Variants in NCF4 observed in about 807,000 individuals in gnomAD.
NCF4 encodes the protein neutrophil cytosolic factor 4, also known as neutrophil cytosol factor 4.
In NCF4, 30 loss-of-function variants were observed where a neutral mutation model predicts 41.7. The ratio of observed to expected loss-of-function variants is 0.72; its 90% CI spans 0.54 to 0.97. NCF4 has a LOEUF of 0.97. NCF4 is among the 50% of genes least tolerant of loss of function. The pLI is 0.00. For missense variants in NCF4, 432 were observed against 460.9 expected, an observed-to-expected ratio of 0.94 and a Z score of 0.57; for synonymous variants, 195 against 175.8, an observed-to-expected ratio of 1.11 and a Z score of -0.87.
intron 1 of NCF4, among the ~76,000 whole-genome samples, chr22:36,862,785 A>G (rs940890818): frequency 6.6e-6 from 1 of 152,204 alleles, no homozygotes; most frequent in Non-Finnish European, 1.5e-5. Flanking sequence ...CCCCAAGGTG[A>G]GACATCCAAA....
At chr22:36,871,796 G>T in intron 6 of NCF4, 87 bp downstream of exon 6, 1 of 1,428,012 alleles carries the variant, frequency 7.0e-7, no homozygotes. Context: ...TCTCCTGCTG[G>T]GTGCTGCTGT....
Position 36,870,439 on chromosome 22 carries a change from G to C in NCF4, c.367G>C (p.Val123Leu). 3.1e-6 allele frequency: 5 copies of C among 1,613,996 alleles called. No homozygotes were observed. Among genetic ancestry groups the C allele is most frequent in the Non-Finnish European group, 4.2e-6 (5 of 1,180,036 alleles). ...MKSLLSLPVW[V>L]LMDEDVRIFF... ...GAGCCTGCTCAGCCTGCCGGTCTGGGTGCTGATGGATGAGGACGTCCGGAT... is the reference window on the plus strand; with the variant it reads ...GAGCCTGCTCAGCCTGCCGGTCTGGCTGCTGATGGATGAGGACGTCCGGAT... The change falls in exon 5 of 10, where the codon GTG (valine) becomes CTG (leucine). Residue 123 changes from valine to leucine, a missense_variant. Val to Leu is a conservative substitution (Grantham distance 32). Coordinates refer to ENST00000248899, the MANE Select transcript of NCF4 (RefSeq NM_000631.5).
At chr22:36,869,905 G>A (rs981630846) in intron 4 of NCF4, among the ~76,000 whole-genome samples, 2 of 152,028 alleles carry the variant, frequency 1.3e-5, no homozygotes, top group African/African-American at 4.8e-5. Flanking sequence ...GGTTATTTTG[G>A]GAGCCCCCCA....
Position 36,871,209 on chromosome 22 carries a change from G to C in NCF4, c.471-443G>C, listed in dbSNP as rs142853043. ...CTCCCCTGTGCACACAGGCAGGTGTGTCTTAATTCCAGCTGTGCCATGTGG... is the reference window on the plus strand; with the variant it reads ...CTCCCCTGTGCACACAGGCAGGTGTCTCTTAATTCCAGCTGTGCCATGTGG... On this transcript the variant is annotated intron_variant, in intron 5 of 9. Transcript: ENST00000248899. Among the ~76,000 whole-genome samples the C allele has an allele frequency of 4.0e-3, 612 of 152,360 alleles. 5 individuals are homozygous for C. Among genetic ancestry groups the C allele is most frequent in the African/African-American group, 0.014 (585 of 41,590 alleles).
intron 6 of NCF4, 42 bp downstream of exon 6, chr22:36,871,751 G>T (rs1472245470): frequency 6.5e-7 from 1 of 1,548,232 alleles, no homozygotes; most frequent in Non-Finnish European, 8.7e-7. Context: ...CACACTGTGG[G>T]CATCTGCCTT....
At chr22:36,873,155 GA>G (rs1227721918) in intron 7 of NCF4, among the ~76,000 whole-genome samples, 4 of 151,058 alleles carry the variant, frequency 2.6e-5, no homozygotes, top group African/African-American at 9.8e-5. Context: ...GGTGAAGATA[GA>G]AATGAGAATG....
intron 7 of NCF4, among the ~76,000 whole-genome samples, chr22:36,873,115 C>T (rs192248403): frequency 1.7e-4 from 13 of 78,488 alleles, no homozygotes; most frequent in Admixed American, 1.3e-3. Flanking sequence ...TGGAGGTGAG[C>T]GTGGAGGTGA....
At chr22:36,873,178 G>A (rs1178485925) in intron 7 of NCF4, among the ~76,000 whole-genome samples, 1 of 151,588 alleles carries the variant, frequency 6.6e-6, no homozygotes, top group African/African-American at 2.4e-5. Context: ...AAGTGGGATT[G>A]GAGGTGAGTT....
chr22:36,863,292 C>T (rs1939826735), intron 1 of NCF4, among the ~76,000 whole-genome samples: 1 of 152,036 alleles, frequency 6.6e-6, no homozygotes, highest in Non-Finnish European at 1.5e-5. Flanking sequence ...ACTGCATGAC[C>T]ACCCGGAGAC....
chr22:36,870,263 A>T, intron 4 of NCF4, 152 bp from the exon 5 acceptor site: 1 of 1,131,688 alleles, frequency 8.8e-7, no homozygotes, highest in South Asian at 1.3e-5. Flanking sequence ...GAGTTTTCTT[A>T]TTCTTTTAAA....
At chr22:36,869,908 G>C (rs1397524535) in intron 4 of NCF4, among the ~76,000 whole-genome samples, 1 of 151,994 alleles carries the variant, frequency 6.6e-6, no homozygotes, top group East Asian at 1.9e-4. Flanking sequence ...TATTTTGGGA[G>C]CCCCCCACCC....
intron 4 of NCF4, among the ~76,000 whole-genome samples, chr22:36,868,470 T>A (rs947967826): frequency 6.6e-6 from 1 of 152,120 alleles, no homozygotes; most frequent in African/African-American, 2.4e-5. Flanking sequence ...TCTTGACTCC[T>A]GATGGAGGGA....
chr22:36,871,728 C>A lies in NCF4; in HGVS notation c.528+19C>A. 1.3e-6 allele frequency: 2 copies of A among 1,553,080 alleles called. No individual in the cohort carries two copies. The highest frequency in any genetic ancestry group is 1.7e-6 in the Non-Finnish European group (2 of 1,147,738). ...AGCAGAGGTAACCCCCGCCCCCACG[C>A]TGGCCAGGCTCTCACACTGTGGGCA... On this transcript the variant is annotated intron_variant, in intron 6 of 9. Transcript: ENST00000248899.
chr22:36,867,906 C>T (rs1939966813), intron 4 of NCF4, among the ~76,000 whole-genome samples: 1 of 152,214 alleles, frequency 6.6e-6, no homozygotes, highest in East Asian at 1.9e-4. Flanking sequence ...CATATAGCAT[C>T]TTTGTGCAAA....
chr22:36,865,122 C>T lies in NCF4; in HGVS notation c.271+50C>T, dbSNP rs780637356. Reference sequence around the variant, plus strand: ...GCTGCAGAGCTGCTGACTCTCCTTCCTTCCAGGGCCCCTGACACTGTTCTG... The same window carrying T: ...GCTGCAGAGCTGCTGACTCTCCTTCTTTCCAGGGCCCCTGACACTGTTCTG... On this transcript the variant is annotated intron_variant, in intron 3 of 9. Transcript: ENST00000248899. The surrounding 1 kb of genome is among the most constrained non-coding windows in gnomAD (Gnocchi z 4.3). The T allele has an allele frequency of 1.3e-6, 2 of 1,597,284 alleles. No homozygotes were observed. The highest frequency in any genetic ancestry group is 1.7e-6 in the Non-Finnish European group (2 of 1,176,964).
chr22:36,871,596 G>A, intron 5 of NCF4, 56 bp from the exon 6 acceptor site: 3 of 1,538,764 alleles, frequency 1.9e-6, no homozygotes, highest in South Asian at 1.2e-5. Context: ...ACAGGAGCAG[G>A]AAGCTGGGCC....
chr22:36,862,192 C>T (rs34829508), intron 1 of NCF4, among the ~76,000 whole-genome samples: 1,909 of 152,352 alleles, frequency 0.013, 23 homozygotes, highest in Non-Finnish European at 0.017. Flanking sequence ...CTGTTACCTA[C>T]GTGGAGGCCA....
Position 36,877,665 on chromosome 22 carries a change from C to A in NCF4, c.862C>A (p.Arg288=). 1.2e-6 allele frequency: 2 copies of A among 1,614,114 alleles called. No homozygotes were observed. The highest frequency in any genetic ancestry group is 1.7e-6 in the Non-Finnish European group (2 of 1,180,022). ...FQREDIALNY[R]DAEGDLVRLL... ...GAGAGAGGACATAGCTCTGAATTAC[C>A]GGGACGCTGAGGGGGATCTGGTTCG... Residue 288 remains arginine (R), a synonymous_variant, in exon 10 of 10, where the codon CGG becomes AGG. Coordinates refer to ENST00000248899, the MANE Select transcript of NCF4 (RefSeq NM_000631.5).
At chr22:36,871,761 T>C in intron 6 of NCF4, 52 bp downstream of exon 6, 3 of 1,536,674 alleles carry the variant, frequency 2.0e-6, no homozygotes, top group Non-Finnish European at 2.6e-6. Context: ...GCATCTGCCT[T>C]GGCCCACCTG....
Sources: allele counts gnomAD v4.1 joint callset (sites outside exome capture counted in the v4.1 genomes callset), GRCh38; gene constraint gnomAD v4.1.1; non-coding constraint Gnocchi (gnomAD v3.1); transcripts MANE v1.5; gene names NCBI Gene and HGNC (gene_info 2026-07-23, HGNC 2026-07-21).